Variants in ZEB2 observed in about 807,000 individuals in gnomAD.
The protein encoded by ZEB2 is zinc finger E-box binding homeobox 2.
ZEB2 carries 6 observed loss-of-function variants against 99.9 expected under a neutral mutation model. The observed-to-expected ratio is 0.06, with a 90% CI of 0.03 to 0.12. The LOEUF is 0.12. ZEB2 is among the 10% of genes least tolerant of loss of function. The pLI is 1.00. For missense variants in ZEB2, 969 were observed against 1,502.8 expected (o/e 0.64, Z 5.87); for synonymous variants, 517 against 542.5 (o/e 0.95, Z 0.65).
At chr2:144,471,524 C>CT (rs112623436) in intron 2 of ZEB2, among the ~76,000 whole-genome samples, 1,687 of 142,844 alleles carry the variant, frequency 0.012, 23 homozygotes, top group African/African-American at 0.031. Context: ...CTCTCTCTTT[C>CT]TTTTTTTTTT....
chr2:144,424,111 G>A (rs1703657785), intron 4 of ZEB2, among the ~76,000 whole-genome samples: 1 of 152,004 alleles, frequency 6.6e-6, no homozygotes, highest in Non-Finnish European at 1.5e-5. Flanking sequence ...TTCAGTGTTT[G>A]GGAAAAAACA....
chr2:144,490,670 C>T (rs1481205918), intron 2 of ZEB2, among the ~76,000 whole-genome samples: 4 of 152,168 alleles, frequency 2.6e-5, no homozygotes, highest in Non-Finnish European at 4.4e-5. Context: ...AAGTGAAGTG[C>T]TTTCTGCAAC....
At chr2:144,416,199 T>C (rs994180914) in intron 4 of ZEB2, among the ~76,000 whole-genome samples, 1 of 152,240 alleles carries the variant, frequency 6.6e-6, no homozygotes, top group Non-Finnish European at 1.5e-5. Flanking sequence ...AAAAGTTTCC[T>C]AGTCCCTTTT....
chr2:144,446,135 G>T (rs1232097792), intron 2 of ZEB2, among the ~76,000 whole-genome samples: 1 of 151,920 alleles, frequency 6.6e-6, no homozygotes, highest in Non-Finnish European at 1.5e-5. Context: ...CCCTAGTTCA[G>T]AGTTAGCCCA....
intron 2 of ZEB2, chr2:144,511,934 A>G: frequency 7.8e-7 from 1 of 1,287,206 alleles, no homozygotes; most frequent in Non-Finnish European, 1.0e-6. Context: ...TTTTGTGGTG[A>G]CATTTAATTC....
chr2:144,460,328 T>C (rs891672358), intron 2 of ZEB2, among the ~76,000 whole-genome samples: 11 of 152,136 alleles, frequency 7.2e-5, no homozygotes, highest in African/African-American at 2.7e-4. Context: ...AAGAGACTGA[T>C]ATGGGGTGGG....
intron 4 of ZEB2, among the ~76,000 whole-genome samples, chr2:144,421,590 T>A (rs1031705241): frequency 3.3e-5 from 5 of 152,202 alleles, no homozygotes; most frequent in Admixed American, 6.5e-5. Flanking sequence ...TTAACTGAGT[T>A]CTCACCTTTA....
rs1013075154 is a variant in ZEB2 at position 144,512,252 on chromosome 2, G to A, written c.73+5026C>T. 5 of 1,287,100 alleles carry A rather than the reference G, an allele frequency of 3.9e-6. No individual in the cohort carries two copies. The African/African-American group carries it at 7.6e-5, about 20-fold the overall frequency. The allele number at this position is 1,287,100 out of a possible 1,614,324, so 79.7% of individuals were successfully genotyped here. On this transcript the variant is annotated intron_variant, in intron 2 of 9. Transcript: ENST00000627532. ...GAAGCCACGGTGCTGAGAGGAAAAG[G>A]ACAAAGAATTTCCTTTCACACAGAA... is the stretch of plus-strand genomic sequence containing the variant.
intron 6 of ZEB2, among the ~76,000 whole-genome samples, chr2:144,402,881 A>G (rs891585352): frequency 2.0e-5 from 3 of 152,202 alleles, no homozygotes; most frequent in Admixed American, 1.3e-4. Flanking sequence ...TAAAATAGTA[A>G]AATTCCATAA....
rs1703112809 is a variant in ZEB2, at chr2:144,388,549, T to A, written c.*902A>T. On this transcript the variant is annotated 3_prime_UTR_variant, in exon 10 of 10. Transcript: ENST00000627532. The surrounding 1 kb of genome is among the most constrained non-coding windows in gnomAD (Gnocchi z 5.4). The stretch of plus-strand genomic sequence containing the variant: ...TTGTTGCAAAAACAGTTTGGTGTAA[T>A]ACTGACAAAATTAATGAACAAAAAA... 1 of 156,354 alleles carries A rather than the reference T, an allele frequency of 6.4e-6. No homozygotes were observed. Among genetic ancestry groups the A allele is most frequent in the South Asian group, 1.9e-4 (1 of 5,368 alleles). The allele number at this position is 156,354 out of a possible 1,614,324, so 9.7% of individuals were successfully genotyped here.
At chr2:144,467,009 C>T (rs1171153719) in intron 2 of ZEB2, among the ~76,000 whole-genome samples, 2 of 152,092 alleles carry the variant, frequency 1.3e-5, no homozygotes, top group East Asian at 3.9e-4. Context: ...AAAATAATTG[C>T]CAGTTTCTTA....
intron 2 of ZEB2, among the ~76,000 whole-genome samples, chr2:144,450,970 G>C (rs770951762): frequency 3.3e-5 from 5 of 152,200 alleles, no homozygotes; most frequent in African/African-American, 9.6e-5. Flanking sequence ...GAGCCACTGT[G>C]ACCAGCCTGG....
At chr2:144,410,434 A>G (rs1320464513) in intron 4 of ZEB2, among the ~76,000 whole-genome samples, 6 of 152,206 alleles carry the variant, frequency 3.9e-5, no homozygotes, top group Non-Finnish European at 1.5e-5. Flanking sequence ...AATAATAAAT[A>G]TCAACATAGA....
chr2:144,515,074 T>A (rs1705108143), intron 2 of ZEB2, among the ~76,000 whole-genome samples: 1 of 152,120 alleles, frequency 6.6e-6, no homozygotes, highest in African/African-American at 2.4e-5. Context: ...GCCAGGCTGG[T>A]CAACGGTGGC....
chr2:144,413,307 T>G (rs953327731), intron 4 of ZEB2, among the ~76,000 whole-genome samples: 3 of 152,238 alleles, frequency 2.0e-5, no homozygotes, highest in African/African-American at 7.2e-5. Flanking sequence ...GTTGAATGAA[T>G]GAAGGAGGCA....
chr2:144,413,610 G>C, intron 4 of ZEB2, among the ~76,000 whole-genome samples: 1 of 152,188 alleles, frequency 6.6e-6, no homozygotes, highest in Non-Finnish European at 1.5e-5. Context: ...TTCCCTGACA[G>C]ATGTCTGACT....
At position 144,498,052 on chromosome 2, in the gene ZEB2, T is replaced by A. The variant is rs867282511; in HGVS notation, c.73+19226A>T. The stretch of plus-strand genomic sequence containing the variant: ...ATATAATATATATTAATATTATATA[T>A]TATATAATATATATTAATATTATAT... On this transcript the variant is annotated intron_variant, in intron 2 of 9. Transcript: ENST00000627532. Among the ~76,000 whole-genome samples the A allele has an allele frequency of 1.2e-3, 83 of 70,598 alleles. 7 individuals are homozygous for A. Among genetic ancestry groups the A allele is most frequent in the African/African-American group, 4.0e-3 (76 of 18,808 alleles). The allele number at this position is 70,598 out of a possible 152,430, so 46.3% of individuals were successfully genotyped here.
intron 2 of ZEB2, among the ~76,000 whole-genome samples, chr2:144,491,451 TTATAAA>T (rs1704680757): frequency 6.6e-6 from 1 of 152,132 alleles, no homozygotes; most frequent in Non-Finnish European, 1.5e-5. Context: ...AAGTTTCAGA[TTATAAA>T]TATATCTTTT....
rs1194139678 is a variant in ZEB2 at position 144,389,859 on chromosome 2, G to A, written c.3237C>T (p.Ser1079=). Residue 1079 remains serine, a synonymous_variant, in exon 10 of 10, where the codon TCC becomes TCT. Transcript: ENST00000627532. This position sits in a 1 kb window ranked among gnomAD's most constrained non-coding sequence, Gnocchi z 6.8. ...GCTCCTCCGCCTCCCGCTTGCAGTAGGAATACCTGTGATTCATGTGCTGCG... is the reference window on the plus strand; with the variant it reads ...GCTCCTCCGCCTCCCGCTTGCAGTAAGAATACCTGTGATTCATGTGCTGCG... ...SYSQHMNHRY[S]YCKREAEERE... is the part of the protein sequence containing the mutation. 7 of 1,613,852 alleles carry A rather than the reference G, an allele frequency of 4.3e-6. No individual in the cohort carries two copies. Among genetic ancestry groups the A allele is most frequent in the Non-Finnish European group, 5.9e-6 (7 of 1,179,950 alleles).
Sources: allele counts gnomAD v4.1 joint callset (sites outside exome capture counted in the v4.1 genomes callset), GRCh38; gene constraint gnomAD v4.1.1; non-coding constraint Gnocchi (gnomAD v3.1); transcripts MANE v1.5; gene names NCBI Gene and HGNC (gene_info 2026-07-23, HGNC 2026-07-21).